The following MAGI2 variants were observed in gnomAD, a reference collection of about 807,000 sequenced individuals.
The protein encoded by MAGI2 is membrane-associated guanylate kinase, WW and PDZ domain-containing protein 2.
In MAGI2, 35 loss-of-function variants were observed where a neutral mutation model predicts 133.3. The ratio of observed to expected loss-of-function variants is 0.26; its 90% CI spans 0.20 to 0.35. MAGI2 has a LOEUF of 0.35. Ranked by LOEUF, MAGI2 falls within the 10% of genes least tolerant of loss-of-function variation. The pLI, the probability that MAGI2 is intolerant of heterozygous loss-of-function variation, is 1.00. For synonymous variants in MAGI2, 729 were observed against 710.6 expected, an observed-to-expected ratio of 1.03 and a Z score of -0.41; for missense variants, 1,636 against 1,863.4, an observed-to-expected ratio of 0.88 and a Z score of 2.25.
intron 3 of MAGI2, among the ~76,000 whole-genome samples, chr7:78,534,147 A>G (rs1797693348): frequency 6.6e-6 from 1 of 152,228 alleles, no homozygotes; most frequent in African/African-American, 2.4e-5. Flanking sequence ...AGGGAGATAA[A>G]TATTAATCAA....
chr7:79,304,398 T>C (rs774885189), intron 1 of MAGI2, among the ~76,000 whole-genome samples: 1 of 143,854 alleles, frequency 7.0e-6, no homozygotes, highest in Non-Finnish European at 1.5e-5. Context: ...TTGCTCCTTA[T>C]ATTACAGTTT....
chr7:78,909,316 A>G (rs1038076817), intron 2 of MAGI2, among the ~76,000 whole-genome samples: 1 of 151,538 alleles, frequency 6.6e-6, no homozygotes, highest in East Asian at 1.9e-4. Flanking sequence ...AGAAACGGCT[A>G]GGCGCGGTGG....
At chr7:78,563,750 C>T (rs1037500650) in intron 3 of MAGI2, among the ~76,000 whole-genome samples, 2 of 152,146 alleles carry the variant, frequency 1.3e-5, no homozygotes, top group Admixed American at 1.3e-4. Flanking sequence ...ATACCCAATG[C>T]CTATGTCAAG....
chr7:78,934,717 C>T (rs1332623484), intron 2 of MAGI2, among the ~76,000 whole-genome samples: 1 of 152,086 alleles, frequency 6.6e-6, no homozygotes, highest in Admixed American at 6.6e-5. Flanking sequence ...AGATATCTCA[C>T]TATGTGCATG....
Position 78,632,866 on chromosome 7 carries a change from C to T in MAGI2, c.419-5627G>A, listed in dbSNP as rs1482765483. 2.6e-5 allele frequency among the ~76,000 whole-genome samples: 4 copies of T among 152,308 alleles called. No individual in the cohort carries two copies. The East Asian group carries it at 7.7e-4, about 29-fold the overall frequency. ...CTCAAAGAGCTAAAAACAGAACTAC[C>T]ATTCAACCCAGCAATCCCATTACTG... On this transcript the variant is annotated intron_variant, in intron 2 of 21. Coordinates refer to ENST00000354212, the MANE Select transcript of MAGI2 (RefSeq NM_012301.4).
At chr7:78,164,069 G>A (rs979856597) in intron 15 of MAGI2, among the ~76,000 whole-genome samples, 1 of 152,060 alleles carries the variant, frequency 6.6e-6, no homozygotes, top group African/African-American at 2.4e-5. Context: ...CCACAGTCCT[G>A]CCCACTCCCC....
chr7:79,357,806 C>T lies in MAGI2; in HGVS notation c.301+95214G>A, dbSNP rs557660344. ...TAGAAATGTTGCATATGCCATCTAA[C>T]CTCTTTGAATTTTATTTTTTAACTA... On this transcript the variant is annotated intron_variant, in intron 1 of 21. Transcript: ENST00000354212. Among the ~76,000 whole-genome samples the T allele has an allele frequency of 5.9e-5, 9 of 152,250 alleles. No individual in the cohort carries two copies. In the East Asian group the frequency reaches 1.3e-3, roughly 23 times the overall value.
chr7:78,124,093 C>T (rs1251125328), intron 20 of MAGI2, among the ~76,000 whole-genome samples: 1 of 152,184 alleles, frequency 6.6e-6, no homozygotes, highest in Non-Finnish European at 1.5e-5. Context: ...AGAGACCAGC[C>T]CTGTAGTCCA....
intron 10 of MAGI2, among the ~76,000 whole-genome samples, chr7:78,247,197 C>A (rs1278191751): frequency 6.6e-6 from 1 of 152,086 alleles, no homozygotes; most frequent in African/African-American, 2.4e-5. Flanking sequence ...AGGACAGTCT[C>A]AAAACTCTTG....
Position 78,465,928 on chromosome 7 carries a change from TAC to T in MAGI2, c.1045+23831_1045+23832del, listed in dbSNP as rs578155867. On this transcript the variant is annotated intron_variant, in intron 6 of 21. Coordinates refer to ENST00000354212, the MANE Select transcript of MAGI2 (RefSeq NM_012301.4). ...TCGGCCGTAAAGCAAGACAGGAAAA[TAC>T]AGTTTGGGATAGATGAATGTTCAGC... 2.3e-4 allele frequency among the ~76,000 whole-genome samples: 35 copies of T among 152,210 alleles called. 1 individual carries two copies. In the South Asian group the frequency reaches 7.1e-3, roughly 31 times the overall value.
At chr7:78,474,508 A>G (rs1342668671) in intron 6 of MAGI2, among the ~76,000 whole-genome samples, 2 of 152,066 alleles carry the variant, frequency 1.3e-5, no homozygotes, top group Non-Finnish European at 2.9e-5. Context: ...AGGATTGCCA[A>G]GCCCTATAGG....
At chr7:79,417,718 T>A (rs912044177) in intron 1 of MAGI2, among the ~76,000 whole-genome samples, 1 of 151,836 alleles carries the variant, frequency 6.6e-6, no homozygotes, top group African/African-American at 2.4e-5. Context: ...CAGGCTGCAG[T>A]TGTGACATAG....
At chr7:78,059,663 C>A (rs1194356063) in intron 21 of MAGI2, among the ~76,000 whole-genome samples, 2 of 152,040 alleles carry the variant, frequency 1.3e-5, no homozygotes, top group Non-Finnish European at 2.9e-5. Flanking sequence ...CTGCTACTTG[C>A]CTCAAATGCT....
At chr7:79,433,201 A>G (rs535207186) in intron 1 of MAGI2, among the ~76,000 whole-genome samples, 1 of 152,260 alleles carries the variant, frequency 6.6e-6, no homozygotes, top group African/African-American at 2.4e-5. Flanking sequence ...TGCTGTCTAG[A>G]GGTAGGGCAA....
chr7:78,230,816 G>A (rs1308717284), intron 10 of MAGI2, among the ~76,000 whole-genome samples: 2 of 152,218 alleles, frequency 1.3e-5, no homozygotes, highest in Admixed American at 1.3e-4. Context: ...TGTCTCAGAA[G>A]TTGACTTGTT....
At chr7:78,288,581 A>C (rs1404097481) in intron 9 of MAGI2, among the ~76,000 whole-genome samples, 1 of 152,018 alleles carries the variant, frequency 6.6e-6, no homozygotes, top group Admixed American at 6.6e-5. Context: ...TGCATTTCCA[A>C]CTGAGCTTTG....
chr7:79,214,849 A>C (rs1042363271), intron 1 of MAGI2, among the ~76,000 whole-genome samples: 1 of 144,592 alleles, frequency 6.9e-6, no homozygotes, highest in East Asian at 2.0e-4. Flanking sequence ...TAAAATTTAT[A>C]AATTTATAAA....
At chr7:79,158,390 C>A (rs1824026300) in intron 1 of MAGI2, among the ~76,000 whole-genome samples, 1 of 151,990 alleles carries the variant, frequency 6.6e-6, no homozygotes, top group African/African-American at 2.4e-5. Flanking sequence ...AATGCTTTTT[C>A]CAAGTTCACG....
chr7:78,986,823 T>C (rs994994139), intron 2 of MAGI2, among the ~76,000 whole-genome samples: 31 of 152,000 alleles, frequency 2.0e-4, no homozygotes, highest in African/African-American at 7.5e-4. Flanking sequence ...GATTTTACTG[T>C]TTTTATTTCC....
Sources: allele counts gnomAD v4.1 joint callset (sites outside exome capture counted in the v4.1 genomes callset), GRCh38; gene constraint gnomAD v4.1.1; transcripts MANE v1.5; gene names NCBI Gene and HGNC (gene_info 2026-07-23, HGNC 2026-07-21).